Variants in TNFAIP3 observed in about 807,000 individuals in gnomAD.
The protein encoded by TNFAIP3 is TNF alpha induced protein 3, also known as tumor necrosis factor alpha-induced protein 3.
A neutral mutation model predicts 72.4 loss-of-function variants in TNFAIP3; 9 were observed. The ratio of observed to expected loss-of-function variants is 0.12; its 90% CI spans 0.07 to 0.22. The LOEUF (loss-of-function observed/expected upper bound fraction) is 0.22, where lower values mean the gene tolerates loss of function less well. Ranked by LOEUF, TNFAIP3 falls within the 10% of genes least tolerant of loss-of-function variation. The pLI is 1.00. For missense variants in TNFAIP3, 833 were observed against 1,018.7 expected (o/e 0.82, Z 2.48); for synonymous variants, 339 against 372.6 (o/e 0.91, Z 1.04).
rs556022420 is a variant in TNFAIP3, at chr6:137,879,160, G to A, written c.1715G>A (p.Arg572Gln). The change falls in exon 7 of 9, where the codon CGG becomes CAG. Residue 572 changes from arginine (R) to glutamine (Q), a missense_variant. By Grantham distance (43) the Arg-to-Gln change is conservative (BLOSUM62 1). Transcript: ENST00000612899. ...RSKSDPSRLV[R>Q]SPSPHSCHRA... ...AAGTCAGATCCCTCGCGGCTCGTCC[G>A]GAGCCCCTCCCCGCATTCTTGCCAC... 13 of 1,613,992 alleles carry A rather than the reference G, an allele frequency of 8.1e-6. No individual in the cohort carries two copies. The highest frequency in any genetic ancestry group is 1.6e-4 in the Middle Eastern group (1 of 6,062).
chr6:137,880,885 A>G (rs1415395878), intron 8 of TNFAIP3, 150 bp from the exon 9 acceptor site: 7 of 765,942 alleles, frequency 9.1e-6, no homozygotes, highest in Non-Finnish European at 1.4e-5. Context: ...TCTGGCTCAT[A>G]GACTGCAATG....
At chr6:137,867,111 G>T (rs1276834972), upstream of TNFAIP3, 1 of 151,048 alleles carries the variant, frequency 6.6e-6, no homozygotes, top group African/African-American at 2.4e-5. This position sits in a 1 kb window ranked among gnomAD's most constrained non-coding sequence, Gnocchi z 6.0. Context: ...GGCGGAGGCC[G>T]CGCGCGCCCC....
In TNFAIP3 at chr6:137,877,058, T is replaced by G. The variant is rs1204480688; in HGVS notation, c.806-18T>G. Reference sequence around the variant, plus strand: ...TTAGTAGAATACTGTTTTACTTATGTATTATTTTTTTCCTTAGAAATCCGA... The same window carrying G: ...TTAGTAGAATACTGTTTTACTTATGGATTATTTTTTTCCTTAGAAATCCGA... On this transcript the variant is annotated intron_variant, in intron 5 of 8. Transcript: ENST00000612899. The G allele has an allele frequency of 3.2e-6, 5 of 1,568,194 alleles. No individual in the cohort carries two copies. Among genetic ancestry groups the G allele is most frequent in the Non-Finnish European group, 4.3e-6 (5 of 1,155,742 alleles).
Position 137,867,741 on chromosome 6 carries a change from G to A in TNFAIP3, c.-16+199G>A, listed in dbSNP as rs1264270527. 1 of 152,630 alleles carries A rather than the reference G, an allele frequency of 6.6e-6. No individual in the cohort carries two copies. Among genetic ancestry groups the A allele is most frequent in the Non-Finnish European group, 1.5e-5 (1 of 68,238 alleles). 9.5% of individuals were successfully genotyped at this position (152,630 alleles called of 1,614,324 possible). ...GTTGAGGTCACTGCTGCAGAGGTTG[G>A]AGTGACAGCCCTGGATACCTCCAGC... On this transcript the variant is annotated intron_variant, in intron 1 of 8. Transcript: ENST00000612899. The surrounding 1 kb of genome is among the most constrained non-coding windows in gnomAD (Gnocchi z 6.0).
intron 6 of TNFAIP3, among the ~76,000 whole-genome samples, chr6:137,878,156 T>G (rs1776313357): frequency 6.6e-6 from 1 of 152,226 alleles, no homozygotes; most frequent in Non-Finnish European, 1.5e-5. Flanking sequence ...AATTTTTGGA[T>G]GGACCAAGAT....
rs778710738 is a variant in TNFAIP3, at chr6:137,878,449, T to TA, written c.1005dup (p.Pro336ThrfsTer9). Reference sequence around the variant, plus strand: ...GTCTTCAGGTTGGATGAAGCTAACTTACCAAAAGAAATCAATCTGGTAGAT... The same window carrying TA: ...GTCTTCAGGTTGGATGAAGCTAACTTAACCAAAAGAAATCAATCTGGTAGAT... On this transcript the variant is annotated frameshift_variant, in exon 7 of 9. Transcript: ENST00000612899. LOFTEE classifies it high-confidence loss of function. 6.2e-7 allele frequency: 1 copy of TA among 1,607,814 alleles called. No homozygotes were observed.
In TNFAIP3 at chr6:137,871,613, A is replaced by G; in HGVS notation, c.295+91A>G. ...ATGAAGCTTTAATAGGACAAGCCCA[A>G]ACTCAAATCAATCTTGAGATTTAGT... is the stretch of plus-strand genomic sequence containing the variant. On this transcript the variant is annotated intron_variant, in intron 2 of 8. Transcript: ENST00000612899. The surrounding 1 kb of genome is among the most constrained non-coding windows in gnomAD (Gnocchi z 4.2). 1 of 1,405,874 alleles carries G rather than the reference A, an allele frequency of 7.1e-7. No individual in the cohort carries two copies. Among genetic ancestry groups the G allele is most frequent in the Non-Finnish European group, 9.7e-7 (1 of 1,034,884 alleles). The allele number at this position is 1,405,874 out of a possible 1,614,324, so 87.1% of individuals were successfully genotyped here. A position where few individuals can be genotyped will look rare whatever the true frequency, so the allele number is the denominator to read the frequency against.
chr6:137,875,186 C>T (rs1419161983), intron 3 of TNFAIP3, 151 bp downstream of exon 3: 7 of 889,028 alleles, frequency 7.9e-6, no homozygotes, highest in Non-Finnish European at 1.2e-5. Flanking sequence ...CACCAGAAAC[C>T]TCCAGTGGGA....
chr6:137,876,306 A>G (rs1482204958), intron 5 of TNFAIP3, 140 bp downstream of exon 5: 2 of 738,434 alleles, frequency 2.7e-6, no homozygotes, highest in Non-Finnish European at 4.5e-6. Context: ...CTTGGTTAGT[A>G]AGAGTAATGC....
rs780041100 is a variant in TNFAIP3, at chr6:137,878,421, T to C, written c.987-11T>C. 1.3e-6 allele frequency: 2 copies of C among 1,591,686 alleles called. No homozygotes were observed. Among genetic ancestry groups the C allele is most frequent in the South Asian group, 2.2e-5 (2 of 89,004 alleles). ...GTATTCTCATACATATTTTTTCCTT[T>C]TGGTCTTCAGGTTGGATGAAGCTAA... On this transcript the variant is annotated splice_polypyrimidine_tract_variant and intron_variant, in intron 6 of 8. Transcript: ENST00000612899.
In TNFAIP3 at chr6:137,874,896, A is replaced by C; in HGVS notation, c.347A>C (p.Gln116Pro). 6.2e-7 allele frequency: 1 copy of C among 1,614,246 alleles called. No individual in the cohort carries two copies. Among genetic ancestry groups the C allele is most frequent in the Non-Finnish European group, 8.5e-7 (1 of 1,180,038 alleles). ...HATSQYMWGV[Q>P]DTDLVLRKAL... ...ACTTCTCAGTACATGTGGGGCGTTC[A>C]GGACACAGACTTGGTACTGAGGAAG... Residue 116 changes from glutamine (Q) to proline (P), a missense_variant, in exon 3 of 9, where the codon CAG (glutamine) becomes CCG (proline). Physicochemically the swap from Gln to Pro is moderately conservative, Grantham distance 76. Coordinates refer to ENST00000612899, the MANE Select transcript of TNFAIP3 (RefSeq NM_001270508.2).
intron 5 of TNFAIP3, 87 bp downstream of exon 5, chr6:137,876,253 TTAAGTA>T (rs1467650669): frequency 9.2e-7 from 1 of 1,085,552 alleles, no homozygotes; most frequent in East Asian, 2.6e-5. Context: ...ACAGTCTTAT[TTAAGTA>T]TATTATTTTT....
chr6:137,880,445 A>C lies in TNFAIP3; in HGVS notation c.2088+193A>C, dbSNP rs1776412779. Among the ~76,000 whole-genome samples, 2 of 152,314 alleles carry C rather than the reference A, an allele frequency of 1.3e-5. 1 individual carries two copies. Among genetic ancestry groups the C allele is most frequent in the South Asian group, 4.1e-4 (2 of 4,820 alleles). ...CCCCAGGTCCGAAATGCTACCTCCA[A>C]TTTTCATGCTCCAAGTATGCTTTCA... On this transcript the variant is annotated intron_variant, in intron 8 of 8. Coordinates refer to ENST00000612899, the MANE Select transcript of TNFAIP3 (RefSeq NM_001270508.2).
At chr6:137,866,516 A>T (rs1273459693), upstream of TNFAIP3, 1 of 152,484 alleles carries the variant, frequency 6.6e-6, no homozygotes, top group Admixed American at 6.5e-5. Flanking sequence ...TGGTGAGCAG[A>T]AATAGACAAG....
At chr6:137,866,873 G>A (rs896977731), upstream of TNFAIP3, 3 of 152,304 alleles carry the variant, frequency 2.0e-5, no homozygotes, top group African/African-American at 7.2e-5. Context: ...ATGATTTTCT[G>A]CAGAAAAACA....
chr6:137,868,745 A>G (rs144414510), intron 1 of TNFAIP3, among the ~76,000 whole-genome samples: 5 of 152,174 alleles, frequency 3.3e-5, no homozygotes, highest in African/African-American at 1.2e-4. Context: ...TGCCACTTAT[A>G]ACGTATCTGA....
At chr6:137,879,467 C>T (rs771813036) in intron 7 of TNFAIP3, 116 bp downstream of exon 7, 22 of 1,272,496 alleles carry the variant, frequency 1.7e-5, no homozygotes, top group Non-Finnish European at 2.1e-5. Context: ...CAGGACCTAC[C>T]GTGCTTTTCT....
Position 137,880,933 on chromosome 6 carries a change from G to A in TNFAIP3, c.2089-102G>A, listed in dbSNP as rs866038252. ...CTTGCTCAGGCAGGTAAAGCTCTTT[G>A]TAGACTCCACACTCTCCAATGAGAT... On this transcript the variant is annotated intron_variant, in intron 8 of 8. Coordinates refer to ENST00000612899, the MANE Select transcript of TNFAIP3 (RefSeq NM_001270508.2). The A allele has an allele frequency of 4.5e-6, 6 of 1,324,184 alleles. No individual in the cohort carries two copies. The Middle Eastern group carries it at 9.7e-4, about 215-fold the overall frequency. 82.0% of individuals were successfully genotyped at this position (1,324,184 alleles called of 1,614,324 possible).
Position 137,881,294 on chromosome 6 carries a change from T to C in TNFAIP3, c.2348T>C (p.Phe783Ser). 1 of 1,560,452 alleles carries C rather than the reference T, an allele frequency of 6.4e-7. No individual in the cohort carries two copies. Among genetic ancestry groups the C allele is most frequent in the Non-Finnish European group, 8.7e-7 (1 of 1,153,898 alleles). The part of the protein sequence containing the change: ...AKCNGYCNEC[F>S]QFKQMYG ...TGCAACGGCTACTGCAACGAATGCTTTCAGTTCAAGCAGATGTATGGCTAA... is the reference window on the plus strand; with the variant it reads ...TGCAACGGCTACTGCAACGAATGCTCTCAGTTCAAGCAGATGTATGGCTAA... Residue 783 changes from phenylalanine to serine, a missense_variant, in exon 9 of 9, where the codon TTT becomes TCT. Coordinates refer to ENST00000612899, the MANE Select transcript of TNFAIP3 (RefSeq NM_001270508.2). The surrounding 1 kb of genome is among the most constrained non-coding windows in gnomAD (Gnocchi z 5.0).
Sources: allele counts gnomAD v4.1 joint callset (sites outside exome capture counted in the v4.1 genomes callset), GRCh38; gene constraint gnomAD v4.1.1; non-coding constraint Gnocchi (gnomAD v3.1); transcripts MANE v1.5; gene names NCBI Gene and HGNC (gene_info 2026-07-23, HGNC 2026-07-21).